Variants in MAPT observed in about 807,000 individuals in gnomAD.
MAPT encodes the protein microtubule-associated protein tau.
A neutral mutation model predicts 67.9 loss-of-function variants in MAPT; 34 were observed. That is an observed-to-expected ratio of 0.50 (90% CI 0.38 to 0.67). MAPT has a LOEUF of 0.67. MAPT is among the 30% of genes least tolerant of loss of function. The pLI, the probability that MAPT is intolerant of heterozygous loss-of-function variation, is 0.00. For synonymous variants in MAPT, 456 were observed against 464.5 expected (o/e 0.98, Z 0.23); for missense variants, 881 against 1,115.2 (o/e 0.79, Z 2.99).
At chr17:45,938,768 C>G (rs2067588227) in intron 1 of MAPT, among the ~76,000 whole-genome samples, 2 of 151,518 alleles carry the variant, frequency 1.3e-5, no homozygotes. Context: ...CTCAGCTTCC[C>G]TAGTAGCTGG....
intron 2 of MAPT, among the ~76,000 whole-genome samples, 186 bp downstream of exon 2, chr17:45,962,656 T>A (rs1250147887): frequency 6.6e-6 from 1 of 152,232 alleles, no homozygotes; most frequent in African/African-American, 2.4e-5. Context: ...CCAGACACGG[T>A]GGCTCACGCC....
intron 2 of MAPT, among the ~76,000 whole-genome samples, chr17:45,965,095 G>A (rs1342931442): frequency 1.3e-5 from 2 of 152,120 alleles, no homozygotes; most frequent in African/African-American, 4.8e-5. Context: ...GGGTGTGGGT[G>A]TCCCAGCCTA....
rs2075784031 is a variant in MAPT at position 46,010,980 on chromosome 17, T to C, written c.2091+578T>C. Among the ~76,000 whole-genome samples the C allele has an allele frequency of 6.6e-6, 1 of 152,252 alleles. No homozygotes were observed. The highest frequency in any genetic ancestry group is 1.9e-4 in the East Asian group (1 of 5,202). ...AGCCGATTCCTAAGCCTCCAGCTTA[T>C]GCTTAGCCTGCGCCACCCTCTGGCA... On this transcript the variant is annotated intron_variant, in intron 10 of 12. Transcript: ENST00000262410. This position sits in a 1 kb window ranked among gnomAD's most constrained non-coding sequence, Gnocchi z 4.7.
chr17:45,956,959 G>T (rs2069803533), intron 1 of MAPT, among the ~76,000 whole-genome samples: 1 of 151,790 alleles, frequency 6.6e-6, no homozygotes, highest in Non-Finnish European at 1.5e-5. Context: ...AGTATTCCAT[G>T]GTGTATATGT....
intron 7 of MAPT, among the ~76,000 whole-genome samples, chr17:45,991,232 TG>T (rs1435672491): frequency 6.6e-6 from 1 of 152,198 alleles, no homozygotes; most frequent in Non-Finnish European, 1.5e-5. Context: ...ACAGTTCCTC[TG>T]GGAGGAAATG....
chr17:45,997,746 C>T (rs1434188733), intron 9 of MAPT, among the ~76,000 whole-genome samples: 1 of 152,070 alleles, frequency 6.6e-6, no homozygotes, highest in Non-Finnish European at 1.5e-5. Context: ...AGCAACAGAG[C>T]GAGACTCTGT....
At chr17:45,924,790 C>CT (rs1261029844) in intron 1 of MAPT, among the ~76,000 whole-genome samples, 3 of 152,236 alleles carry the variant, frequency 2.0e-5, no homozygotes, top group Non-Finnish European at 4.4e-5. Flanking sequence ...GCCCTCATGT[C>CT]TAGCTGATCA....
intron 2 of MAPT, among the ~76,000 whole-genome samples, chr17:45,970,710 C>G (rs2071573642): frequency 6.6e-6 from 1 of 152,244 alleles, no homozygotes; most frequent in Non-Finnish European, 1.5e-5. Context: ...TCCAAGGCCA[C>G]CTGACCAGAA....
intron 2 of MAPT, among the ~76,000 whole-genome samples, chr17:45,967,658 T>C (rs547008787): frequency 6.6e-6 from 1 of 152,226 alleles, no homozygotes; most frequent in African/African-American, 2.4e-5. Flanking sequence ...CACTTGCCTT[T>C]TTTTCATCTT....
chr17:46,011,721 G>A (rs932882728), intron 10 of MAPT, among the ~76,000 whole-genome samples: 2 of 152,192 alleles, frequency 1.3e-5, no homozygotes, highest in Non-Finnish European at 2.9e-5. Context: ...GCAGTACCGG[G>A]ACACTGCTGT....
chr17:45,989,675 G>T (rs944413170), intron 6 of MAPT, among the ~76,000 whole-genome samples: 1 of 152,146 alleles, frequency 6.6e-6, no homozygotes, highest in Non-Finnish European at 1.5e-5. Flanking sequence ...AAAAGAAAAA[G>T]AACTGTGATT....
intron 1 of MAPT, among the ~76,000 whole-genome samples, chr17:45,926,933 ATACACATATATATACATATATG>A (rs1296343592): frequency 1.8e-5 from 2 of 112,062 alleles, no homozygotes; most frequent in Admixed American, 9.7e-5. Flanking sequence ...ATACACATAT[ATACACATATATATACATATATG>A]TGTATATATA....
Position 46,010,831 on chromosome 17 carries a change from C to A in MAPT, c.2091+429C>A, listed in dbSNP as rs903386475. ...TGAGACTGGGCTGCCGCCTCCTCCC[C>A]CGACACCTGGGCAGGTTGACGTTGA... is the stretch of plus-strand genomic sequence containing the variant. On this transcript the variant is annotated intron_variant, in intron 10 of 12. Transcript: ENST00000262410. This position sits in a 1 kb window ranked among gnomAD's most constrained non-coding sequence, Gnocchi z 4.7. 1.3e-5 allele frequency among the ~76,000 whole-genome samples: 2 copies of A among 152,246 alleles called. No homozygotes were observed. The highest frequency in any genetic ancestry group is 2.9e-5 in the Non-Finnish European group (2 of 68,042).
rs1321642419 is a variant in MAPT at position 45,998,183 on chromosome 17, A to G, written c.1998+1519A>G. Among the ~76,000 whole-genome samples the G allele has an allele frequency of 2.6e-5, 4 of 152,062 alleles. No homozygotes were observed. In the East Asian group the frequency reaches 7.7e-4, roughly 29 times the overall value. The stretch of plus-strand genomic sequence containing the variant: ...TATCACTTGGGTCTGAGCCTGGGGC[A>G]TTTGGACGGAGGGTGGCCACCAGTG... On this transcript the variant is annotated intron_variant, in intron 9 of 12. Coordinates refer to ENST00000262410, the MANE Select transcript of MAPT (RefSeq NM_001377265.1).
intron 1 of MAPT, among the ~76,000 whole-genome samples, chr17:45,933,734 G>A (rs933376846): frequency 6.6e-5 from 10 of 152,076 alleles, no homozygotes; most frequent in Non-Finnish European, 1.5e-4. Flanking sequence ...GGGAAGATTA[G>A]GTCATCTGCT....
rs1199944811 is a variant in MAPT at position 46,027,064 on chromosome 17, T to C, written c.*2893T>C. On this transcript the variant is annotated 3_prime_UTR_variant, in exon 13 of 13. Transcript: ENST00000262410. ...GCAATTCTCCTAAGTTGAAGGGATCTGAGAAGGAGAAGGAAATGTGGGGTA... is the reference window on the plus strand; with the variant it reads ...GCAATTCTCCTAAGTTGAAGGGATCCGAGAAGGAGAAGGAAATGTGGGGTA... The C allele has an allele frequency of 2.6e-5, 4 of 152,180 alleles. No homozygotes were observed. Among genetic ancestry groups the C allele is most frequent in the African/African-American group, 9.7e-5 (4 of 41,418 alleles). The allele number at this position is 152,180 out of a possible 1,614,324, so 9.4% of individuals were successfully genotyped here.
chr17:45,896,027 T>C lies in MAPT; in HGVS notation c.-18+1341T>C, dbSNP rs937083954. ...GCTCCCAGCCCTGGTTTCTGGCTTTTATTCTGAGGGTGTTCAGTCAACCTC... is the reference window on the plus strand; with the variant it reads ...GCTCCCAGCCCTGGTTTCTGGCTTTCATTCTGAGGGTGTTCAGTCAACCTC... On this transcript the variant is annotated intron_variant, in intron 1 of 12. Transcript: ENST00000262410. The surrounding 1 kb of genome is among the most constrained non-coding windows in gnomAD (Gnocchi z 5.6). The C allele has an allele frequency of 2.6e-5, 4 of 152,356 alleles. No homozygotes were observed. The highest frequency in any genetic ancestry group is 6.5e-5 in the Admixed American group (1 of 15,288). The allele number at this position is 152,356 out of a possible 1,614,324, so 9.4% of individuals were successfully genotyped here.
chr17:45,960,726 G>A (rs2070299520), intron 1 of MAPT, among the ~76,000 whole-genome samples: 1 of 152,060 alleles, frequency 6.6e-6, no homozygotes, highest in African/African-American at 2.4e-5. Flanking sequence ...GCGGATATGG[G>A]AGGATCACTT....
intron 1 of MAPT, among the ~76,000 whole-genome samples, chr17:45,930,452 A>C (rs1402125743): frequency 6.6e-6 from 1 of 152,066 alleles, no homozygotes; most frequent in African/African-American, 2.4e-5. Flanking sequence ...GAGAGAGACT[A>C]AAATGATATC....
Sources: gnomAD v4.1 joint callset for allele counts (sites outside exome capture counted in the v4.1 genomes callset) on GRCh38, gnomAD v4.1.1 for gene constraint, Gnocchi (gnomAD v3.1) non-coding constraint, MANE v1.5 for transcripts, NCBI Gene and HGNC (gene_info 2026-07-23, HGNC 2026-07-21) for gene names.